Variants in MMD2 observed in about 807,000 individuals in gnomAD.
The protein encoded by MMD2 is monocyte to macrophage differentiation factor 2.
MMD2 carries 30 observed loss-of-function variants against 33.5 expected under a neutral mutation model. The ratio of observed to expected loss-of-function variants is 0.90; its 90% CI spans 0.67 to 1.22. The LOEUF (loss-of-function observed/expected upper bound fraction) is 1.22, where lower values mean the gene tolerates loss of function less well. MMD2 is among the 50% of genes most tolerant of loss of function. The pLI is 0.00. For synonymous variants in MMD2, 129 were observed against 123.0 expected (o/e 1.05, Z -0.32); for missense variants, 364 against 325.4 (o/e 1.12, Z -0.91).
chr7:4,959,159 C>A lies in MMD2; in HGVS notation c.-142G>T. 2 of 504,564 alleles carry A rather than the reference C, an allele frequency of 4.0e-6. No individual in the cohort carries two copies. Among genetic ancestry groups the A allele is most frequent in the Non-Finnish European group, 5.5e-6 (2 of 362,564 alleles). 31.3% of individuals were successfully genotyped at this position (504,564 alleles called of 1,614,324 possible). On this transcript the variant is annotated 5_prime_UTR_variant, in exon 1 of 7. Transcript: ENST00000401401. Reference sequence around the variant, plus strand: ...CCTGGTCGGCGCCCGGAGCCGGAGCCGGAGCCCGAGCCGGAGCTGGAGGCG... The same window carrying A: ...CCTGGTCGGCGCCCGGAGCCGGAGCAGGAGCCCGAGCCGGAGCTGGAGGCG...
At chr7:4,955,596 A>G (rs1368921049) in intron 1 of MMD2, among the ~76,000 whole-genome samples, 2 of 152,196 alleles carry the variant, frequency 1.3e-5, no homozygotes, top group Non-Finnish European at 2.9e-5. Flanking sequence ...AATATCTCCT[A>G]AATAATTTGT....
downstream of MMD2, among the ~76,000 whole-genome samples, chr7:4,905,294 AGAAGAGGAAGAG>A (rs60507729): frequency 6.7e-6 from 1 of 148,236 alleles, no homozygotes; most frequent in Non-Finnish European, 1.5e-5. The surrounding 1 kb of genome is among the most constrained non-coding windows in gnomAD (Gnocchi z 5.0). Flanking sequence ...AAGAAGAAGA[AGAAGAGGAAGAG>A]GAAGAGGAAG....
intron 1 of MMD2, among the ~76,000 whole-genome samples, chr7:4,953,513 C>A (rs1050326955): frequency 2.0e-5 from 3 of 150,584 alleles, no homozygotes; most frequent in Non-Finnish European, 4.4e-5. Flanking sequence ...CTCTATCGCC[C>A]AGGCTGGAGT....
At chr7:4,909,145 T>C (rs1013269227) in intron 6 of MMD2, among the ~76,000 whole-genome samples, 4 of 152,106 alleles carry the variant, frequency 2.6e-5, no homozygotes, top group Admixed American at 6.6e-5. Context: ...AAAAAAGTAG[T>C]AGTCCTGGCC....
intron 2 of MMD2, among the ~76,000 whole-genome samples, chr7:4,924,116 C>T (rs1295151858): frequency 6.6e-6 from 1 of 152,160 alleles, no homozygotes; most frequent in Non-Finnish European, 1.5e-5. Context: ...GGCATGAACC[C>T]AGGAGGCAGA....
rs1024654966 is a variant in MMD2 at position 4,907,670 on chromosome 7, C to T, written c.538-71G>A. On this transcript the variant is annotated intron_variant, in intron 6 of 6. Coordinates refer to ENST00000401401, the MANE Select transcript of MMD2 (RefSeq NM_198403.4). ...GTGTGGCTGAAAGCACCAGCCAGTC[C>T]CCACCACCCAAAACCAAAAGACATG... 3.9e-6 allele frequency: 6 copies of T among 1,519,378 alleles called. No individual in the cohort carries two copies. The African/African-American group carries it at 6.8e-5, about 17-fold the overall frequency. 94.1% of individuals were successfully genotyped at this position (1,519,378 alleles called of 1,614,324 possible). A position where few individuals can be genotyped will look rare whatever the true frequency, so the allele number is the denominator to read the frequency against.
At chr7:4,938,118 C>G (rs1335097581) in intron 1 of MMD2, among the ~76,000 whole-genome samples, 4 of 139,668 alleles carry the variant, frequency 2.9e-5, no homozygotes, top group Non-Finnish European at 6.1e-5. Context: ...TCAAGAGATT[C>G]TCCTGCCTCA....
chr7:4,923,836 A>T (rs1313031762), intron 2 of MMD2, among the ~76,000 whole-genome samples: 1 of 152,282 alleles, frequency 6.6e-6, no homozygotes, highest in Non-Finnish European at 1.5e-5. Flanking sequence ...AAAGGGACTG[A>T]CTGAGAAAAT....
At chr7:4,951,514 T>G (rs1786243013) in intron 1 of MMD2, among the ~76,000 whole-genome samples, 1 of 152,066 alleles carries the variant, frequency 6.6e-6, no homozygotes. Context: ...AAGAGCCCAC[T>G]TACATGCTGC....
At chr7:4,900,801 C>G in the MMD2 span, among the ~76,000 whole-genome samples, 1 of 152,144 alleles carries the variant, frequency 6.6e-6, no homozygotes, top group African/African-American at 2.4e-5. Context: ...CTCTCCACAC[C>G]TTGCTCTTCC....
chr7:4,900,018 T>C, the MMD2 span, among the ~76,000 whole-genome samples: 1 of 152,274 alleles, frequency 6.6e-6, no homozygotes, highest in African/African-American at 2.4e-5. Context: ...CTGAGCAACC[T>C]TGGTGTCCTC....
intron 1 of MMD2, among the ~76,000 whole-genome samples, chr7:4,934,127 G>C (rs1199401620): frequency 6.6e-6 from 1 of 151,736 alleles, no homozygotes; most frequent in Non-Finnish European, 1.5e-5. Flanking sequence ...ATGAGGTTTT[G>C]CCATGTTGGC....
intron 6 of MMD2, 47 bp from the exon 7 acceptor site, chr7:4,907,646 T>G (rs1033060720): frequency 8.1e-6 from 13 of 1,597,504 alleles, no homozygotes; most frequent in Non-Finnish European, 1.1e-5. Flanking sequence ...GGGCAGTCAG[T>G]GTGGCTGAAA....
Position 4,947,834 on chromosome 7 carries a change from G to C in MMD2, c.47+11137C>G, listed in dbSNP as rs377571093. 3.3e-5 allele frequency among the ~76,000 whole-genome samples: 5 copies of C among 150,622 alleles called. No individual in the cohort carries two copies. In the South Asian group the frequency reaches 8.4e-4, roughly 25 times the overall value. ...CCTGCCTCAGCCTCCTGAGTATCTG[G>C]GATTACAGGGAGTGCCTCCACACCT... On this transcript the variant is annotated intron_variant, in intron 1 of 6. Transcript: ENST00000401401.
intron 1 of MMD2, among the ~76,000 whole-genome samples, chr7:4,935,677 CAAAAAAAAAAA>C (rs11337982): frequency 1.2e-5 from 1 of 86,310 alleles, no homozygotes; most frequent in Non-Finnish European, 2.4e-5. Flanking sequence ...GACCCTGTCT[CAAAAAAAAAAA>C]AAAAAAAAAC....
At chr7:4,945,227 C>CTTCTTA (rs1786038479) in intron 1 of MMD2, among the ~76,000 whole-genome samples, 1 of 144,598 alleles carries the variant, frequency 6.9e-6, no homozygotes, top group African/African-American at 2.6e-5. Flanking sequence ...TCTTCTTCTT[C>CTTCTTA]TTCTTCTTCT....
intron 1 of MMD2, among the ~76,000 whole-genome samples, chr7:4,954,199 G>A (rs951693437): frequency 3.9e-5 from 6 of 152,160 alleles, no homozygotes; most frequent in African/African-American, 7.2e-5. Flanking sequence ...TTACCACTGC[G>A]AGGGAGCAGT....
chr7:4,958,940 C>A, intron 1 of MMD2, 31 bp downstream of exon 1: 1 of 1,291,698 alleles, frequency 7.7e-7, no homozygotes, highest in South Asian at 2.6e-5. Context: ...CCCTCCCTCC[C>A]TCCCCGCGGA....
chr7:4,913,721 CAAAAAAA>C (rs35733360), intron 4 of MMD2, among the ~76,000 whole-genome samples: 11 of 54,052 alleles, frequency 2.0e-4, no homozygotes, highest in East Asian at 5.5e-4. Context: ...TCTATCTCGG[CAAAAAAA>C]AAAAAAAAAA....
Sources: allele counts gnomAD v4.1 joint callset (sites outside exome capture counted in the v4.1 genomes callset), GRCh38; gene constraint gnomAD v4.1.1; non-coding constraint Gnocchi (gnomAD v3.1); transcripts MANE v1.5; gene names NCBI Gene and HGNC (gene_info 2026-07-23, HGNC 2026-07-21).